DNER: variants seen among roughly 807,000 people sequenced by gnomAD.
The protein encoded by DNER is delta and Notch-like epidermal growth factor-related receptor.
Under a neutral mutation model 78.2 loss-of-function variants are expected in DNER, and 33 were observed. That is an observed-to-expected ratio of 0.42 (90% CI 0.32 to 0.56). The LOEUF is 0.56. Ranked by LOEUF, DNER falls within the 20% of genes least tolerant of loss-of-function variation. The pLI is 0.11. For missense variants in DNER, 918 were observed against 975.3 expected, an observed-to-expected ratio of 0.94 and a Z score of 0.78; for synonymous variants, 417 against 384.8, an observed-to-expected ratio of 1.08 and a Z score of -0.98.
chr2:229,586,746 A>G (rs1697510267), intron 3 of DNER: 8 of 985,472 alleles, frequency 8.1e-6, no homozygotes, highest in Non-Finnish European at 9.6e-6. Context: ...TAGCCCACAT[A>G]TTACCTCTTC....
intron 7 of DNER, among the ~76,000 whole-genome samples, chr2:229,449,785 A>G (rs78874057): frequency 4.0e-5 from 6 of 150,614 alleles, no homozygotes; most frequent in Non-Finnish European, 7.4e-5. Context: ...ATTTTATTTT[A>G]TTTTGTTTTG....
At position 229,445,743 on chromosome 2, in the gene DNER, A is replaced by C. The variant is rs77432492; in HGVS notation, c.1486+1573T>G. ...TGGACTTGTGAGTCCACACAATTGCATGAGCCAGTTACTTAAAATAAATCT... is the reference window on the plus strand; with the variant it reads ...TGGACTTGTGAGTCCACACAATTGCCTGAGCCAGTTACTTAAAATAAATCT... On this transcript the variant is annotated intron_variant, in intron 8 of 12. Transcript: ENST00000341772. 7.4e-3 allele frequency among the ~76,000 whole-genome samples: 1,088 copies of C among 147,246 alleles called. 13 individuals are homozygous for C. Among genetic ancestry groups the C allele is most frequent in the African/African-American group, 0.026 (1,042 of 39,656 alleles).
At chr2:229,570,064 C>T (rs1457314445) in intron 4 of DNER, among the ~76,000 whole-genome samples, 1 of 152,196 alleles carries the variant, frequency 6.6e-6, no homozygotes, top group Non-Finnish European at 1.5e-5. Context: ...ATGAGATTCT[C>T]GCTTATCACC....
intron 5 of DNER, among the ~76,000 whole-genome samples, chr2:229,543,499 A>G (rs938499357): frequency 1.3e-5 from 2 of 152,216 alleles, no homozygotes; most frequent in Admixed American, 6.5e-5. Flanking sequence ...CTCACAATGA[A>G]TCTCACCACT....
rs1202849542 is a variant in DNER at position 229,370,008 on chromosome 2, G to A, written c.1856-2889C>T. ...TTCAGAGGTTAGTGGAAATGGAAAT[G>A]AGCCTGTCTTTCCATGAAATCCACA... On this transcript the variant is annotated intron_variant, in intron 11 of 12. Transcript: ENST00000341772. Among the ~76,000 whole-genome samples, 5 of 152,274 alleles carry A rather than the reference G, an allele frequency of 3.3e-5. No homozygotes were observed. In the South Asian group the frequency reaches 1.0e-3, roughly 32 times the overall value.
At position 229,392,695 on chromosome 2, in the gene DNER, C is replaced by CAAA. The variant is rs1185289895; in HGVS notation, c.1724-4302_1724-4300dup. Among the ~76,000 whole-genome samples, 11 of 152,140 alleles carry CAAA rather than the reference C, an allele frequency of 7.2e-5. No individual in the cohort carries two copies. The East Asian group carries it at 2.1e-3, about 29-fold the overall frequency. The stretch of plus-strand genomic sequence containing the variant: ...TTACCCAGTACAGTCAGTGAAGCCA[C>CAAA]AAAAGATCACACCTTAGTAATGGGG... On this transcript the variant is annotated intron_variant, in intron 10 of 12. Coordinates refer to ENST00000341772, the MANE Select transcript of DNER (RefSeq NM_139072.4).
intron 1 of DNER, among the ~76,000 whole-genome samples, chr2:229,662,289 G>A (rs955222660): frequency 6.6e-6 from 1 of 152,146 alleles, no homozygotes; most frequent in African/African-American, 2.4e-5. Context: ...TTGATTCTGT[G>A]TCTTGGAGCA....
At chr2:229,435,567 T>C (rs1309312913) in intron 8 of DNER, among the ~76,000 whole-genome samples, 1 of 152,170 alleles carries the variant, frequency 6.6e-6, no homozygotes, top group Non-Finnish European at 1.5e-5. Context: ...AGAGACCTGG[T>C]AAAAAAGGTA....
At chr2:229,360,947 C>A (rs984945353) in intron 12 of DNER, among the ~76,000 whole-genome samples, 1 of 152,224 alleles carries the variant, frequency 6.6e-6, no homozygotes, top group Non-Finnish European at 1.5e-5. Context: ...AGAGAGCAGG[C>A]AGGCTTGGAG....
At chr2:229,387,440 C>G (rs961888510) in intron 11 of DNER, among the ~76,000 whole-genome samples, 6 of 147,848 alleles carry the variant, frequency 4.1e-5, no homozygotes, top group Non-Finnish European at 8.9e-5. Flanking sequence ...CAAACCTGCA[C>G]GTTCTGCACA....
chr2:229,651,380 C>T lies in DNER; in HGVS notation c.277-59492G>A, dbSNP rs1443532342. Among the ~76,000 whole-genome samples, 8 of 152,324 alleles carry T rather than the reference C, an allele frequency of 5.3e-5. No individual in the cohort carries two copies. In the East Asian group the frequency reaches 5.8e-4, roughly 11 times the overall value. ...ACAGGAGGAAAGTCTTCTGAGTCGT[C>T]GATGTTTTCCTATGGTTCTCAGAGG... On this transcript the variant is annotated intron_variant, in intron 1 of 12. Coordinates refer to ENST00000341772, the MANE Select transcript of DNER (RefSeq NM_139072.4).
chr2:229,412,609 C>T (rs1693546410), intron 9 of DNER, among the ~76,000 whole-genome samples: 1 of 152,114 alleles, frequency 6.6e-6, no homozygotes, highest in Non-Finnish European at 1.5e-5. Flanking sequence ...TGGGGGTCAA[C>T]ATTTCAGACA....
intron 6 of DNER, among the ~76,000 whole-genome samples, chr2:229,502,628 T>C (rs79545201): frequency 0.079 from 12,083 of 151,998 alleles, 1,510 homozygotes; most frequent in African/African-American, 0.26. Flanking sequence ...CGGAGTGCCA[T>C]AACAAAAACA....
intron 2 of DNER, among the ~76,000 whole-genome samples, chr2:229,589,783 C>T (rs537796565): frequency 1.3e-5 from 2 of 152,120 alleles, no homozygotes; most frequent in African/African-American, 4.8e-5. Context: ...AGCAAAGAAG[C>T]ATTAACATCA....
rs398061160 is a variant in DNER, at chr2:229,413,321, C to CTTTTTTTTTTTTTTTTTTTTTTTTTT, written c.1609+4786_1609+4787insAAAAAAAAAAAAAAAAAAAAAAAAAA. On this transcript the variant is annotated intron_variant, in intron 9 of 12. Coordinates refer to ENST00000341772, the MANE Select transcript of DNER (RefSeq NM_139072.4). ...TGCTTTTCTTTTTCTTTTTCTTCTT[C>CTTTTTTTTTTTTTTTTTTTTTTTTTT]TTTTTTTTTTTTTTTTTTTTTGACG... Among the ~76,000 whole-genome samples, 19 of 67,772 alleles carry CTTTTTTTTTTTTTTTTTTTTTTTTTT rather than the reference C, an allele frequency of 2.8e-4. 1 individual carries two copies. The highest frequency in any genetic ancestry group is 3.9e-4 in the Non-Finnish European group (14 of 35,856). 44.5% of individuals were successfully genotyped at this position (67,772 alleles called of 152,430 possible).
intron 6 of DNER, among the ~76,000 whole-genome samples, chr2:229,494,888 A>G (rs954039310): frequency 1.3e-5 from 2 of 152,186 alleles, no homozygotes; most frequent in Non-Finnish European, 2.9e-5. Context: ...CTTTAGTTCA[A>G]ACTGAGAGTG....
chr2:229,418,290 C>G, intron 8 of DNER, 60 bp from the exon 9 acceptor site: 1 of 1,607,584 alleles, frequency 6.2e-7, no homozygotes. Flanking sequence ...CCACGCGGGA[C>G]CAGCCTGCAA....
rs1397473407 is a variant in DNER, at chr2:229,512,824, T to A, written c.1106A>T (p.Glu369Val). The change falls in exon 6 of 13, where the codon GAA (glutamate) becomes GTA (valine). Residue 369 changes from glutamate to valine, a missense_variant. Coordinates refer to ENST00000341772, the MANE Select transcript of DNER (RefSeq NM_139072.4). Reference protein sequence around the residue: ...QNNASCIDANEKQDGSNFTCV... With the variant: ...QNNASCIDANVKQDGSNFTCV... ...GGTGAAATTGCTCCCATCTTGCTTT[T>A]CATTTGCATCAATACAGCTCGCGTT... The A allele has an allele frequency of 2.5e-6, 4 of 1,614,198 alleles. No individual in the cohort carries two copies. Among genetic ancestry groups the A allele is most frequent in the Non-Finnish European group, 2.5e-6 (3 of 1,180,006 alleles).
intron 11 of DNER, among the ~76,000 whole-genome samples, chr2:229,386,718 G>GA (rs1000531815): frequency 4.6e-5 from 7 of 151,388 alleles, no homozygotes; most frequent in African/African-American, 1.5e-4. Flanking sequence ...ACAAAAATAT[G>GA]AAAAAAAAGC....
Sources: gnomAD v4.1 joint callset for allele counts (sites outside exome capture counted in the v4.1 genomes callset) on GRCh38, gnomAD v4.1.1 for gene constraint, MANE v1.5 for transcripts, NCBI Gene and HGNC (gene_info 2026-07-23, HGNC 2026-07-21) for gene names.